Variants in ARK2C observed in about 807,000 individuals in gnomAD.
The protein encoded by ARK2C is E3 ubiquitin-protein ligase ARK2C.
chr18:46,423,319 G>C, the ARK2C span, among the ~76,000 whole-genome samples: 1 of 152,202 alleles, frequency 6.6e-6, no homozygotes, highest in Non-Finnish European at 1.5e-5. Context: ...CACTGTGCCT[G>C]AGCAGTTGTG....
At chr18:46,405,294 G>A in the ARK2C span, among the ~76,000 whole-genome samples, 1 of 152,260 alleles carries the variant, frequency 6.6e-6, no homozygotes, top group South Asian at 2.1e-4. Context: ...GGAGGTGCCC[G>A]TGGCCAGACA....
At chr18:46,372,502 C>A in the ARK2C span, among the ~76,000 whole-genome samples, 1 of 152,228 alleles carries the variant, frequency 6.6e-6, no homozygotes. Context: ...TGTGGGGCCA[C>A]CTTAGTAAGC....
chr18:46,365,606 C>A, the ARK2C span, among the ~76,000 whole-genome samples: 1 of 152,146 alleles, frequency 6.6e-6, no homozygotes, highest in Non-Finnish European at 1.5e-5. Flanking sequence ...TGGTTTCAGG[C>A]GATTCTCATG....
chr18:46,383,702 C>T, the ARK2C span, among the ~76,000 whole-genome samples: 1 of 152,116 alleles, frequency 6.6e-6, no homozygotes. Flanking sequence ...CTACAGGCAG[C>T]CACCACCGCG....
the ARK2C span, among the ~76,000 whole-genome samples, chr18:46,370,846 G>A: frequency 3.9e-5 from 6 of 152,326 alleles, no homozygotes; most frequent in Admixed American, 2.0e-4. Context: ...CTCAGGGGGC[G>A]TGAGGTCAGC....
the ARK2C span, among the ~76,000 whole-genome samples, chr18:46,399,697 C>A: frequency 6.6e-6 from 1 of 152,154 alleles, no homozygotes; most frequent in Non-Finnish European, 1.5e-5. Context: ...TGGGAGGCAT[C>A]TCATTTCACA....
At chr18:46,396,713 C>T in the ARK2C span, among the ~76,000 whole-genome samples, 2 of 152,244 alleles carry the variant, frequency 1.3e-5, no homozygotes, top group African/African-American at 4.8e-5. Context: ...AGCTTAGGCA[C>T]AATTGATAGG....
the ARK2C span, chr18:46,447,755 G>C: frequency 1.9e-6 from 3 of 1,600,192 alleles, no homozygotes; most frequent in Non-Finnish European, 2.6e-6. Flanking sequence ...TGAGGCCTGC[G>C]GTCCCCTGTG....
At chr18:46,432,631 A>G in the ARK2C span, among the ~76,000 whole-genome samples, 14 of 152,264 alleles carry the variant, frequency 9.2e-5, no homozygotes, top group Non-Finnish European at 1.6e-4. Context: ...AAGTATGTTA[A>G]TTATAAAAAG....
chr18:46,346,063 A>G, the ARK2C span, among the ~76,000 whole-genome samples: 1 of 152,156 alleles, frequency 6.6e-6, no homozygotes, highest in Non-Finnish European at 1.5e-5. Context: ...TATGGCAGCC[A>G]TGGGGTGCTG....
At chr18:46,440,064 G>A in the ARK2C span, among the ~76,000 whole-genome samples, 12 of 152,232 alleles carry the variant, frequency 7.9e-5, no homozygotes, top group South Asian at 6.2e-4. Flanking sequence ...TCTTGACCTC[G>A]TGATATACCC....
the ARK2C span, among the ~76,000 whole-genome samples, chr18:46,402,345 G>C: frequency 6.6e-6 from 1 of 152,140 alleles, no homozygotes; most frequent in African/African-American, 2.4e-5. Flanking sequence ...TCTCAATCCA[G>C]CTCCAATGGA....
chr18:46,373,628 C>T, the ARK2C span, among the ~76,000 whole-genome samples: 1 of 152,234 alleles, frequency 6.6e-6, no homozygotes, highest in African/African-American at 2.4e-5. Context: ...GAGCTGAGTG[C>T]TGCCACACTG....
At chr18:46,342,540 G>A in the ARK2C span, among the ~76,000 whole-genome samples, 7 of 152,220 alleles carry the variant, frequency 4.6e-5, no homozygotes, top group Non-Finnish European at 1.0e-4. Context: ...AATGAACAGG[G>A]CATTGGAACC....
At chr18:46,359,884 G>A in the ARK2C span, among the ~76,000 whole-genome samples, 5 of 152,184 alleles carry the variant, frequency 3.3e-5, no homozygotes, top group Admixed American at 6.5e-5. Context: ...GAAATTGCAC[G>A]TGACATTTTC....
the ARK2C span, among the ~76,000 whole-genome samples, chr18:46,430,036 T>A: frequency 2.0e-5 from 3 of 152,204 alleles, no homozygotes; most frequent in Non-Finnish European, 4.4e-5. Flanking sequence ...GCTGCAGAGA[T>A]CCCTGCGCAG....
the ARK2C span, among the ~76,000 whole-genome samples, chr18:46,442,589 A>G: frequency 6.6e-6 from 1 of 152,150 alleles, no homozygotes; most frequent in African/African-American, 2.4e-5. Flanking sequence ...TATCTTAGTA[A>G]ATGTTCTATA....
chr18:46,442,871 C>G, the ARK2C span, among the ~76,000 whole-genome samples: 1 of 152,138 alleles, frequency 6.6e-6, no homozygotes, highest in Admixed American at 6.5e-5. Flanking sequence ...GATGAATTGA[C>G]CCCTTTATCA....
the ARK2C span, among the ~76,000 whole-genome samples, chr18:46,339,960 G>A: frequency 2.0e-5 from 3 of 152,172 alleles, no homozygotes; most frequent in Non-Finnish European, 4.4e-5. Flanking sequence ...GGCTACGGAA[G>A]CAACAGTTCT....
Sources: gnomAD v4.1 joint callset for allele counts (sites outside exome capture counted in the v4.1 genomes callset) on GRCh38, gnomAD v4.1.1 for gene constraint, MANE v1.5 for transcripts, NCBI Gene and HGNC (gene_info 2026-07-23, HGNC 2026-07-21) for gene names.